The following ROS1 variants were observed in gnomAD, a reference collection of about 807,000 sequenced individuals.
ROS1 encodes ROS proto-oncogene 1, receptor tyrosine kinase.
In ROS1, 263 loss-of-function variants were observed where a neutral mutation model predicts 273.5. The ratio of observed to expected loss-of-function variants is 0.96; its 90% CI spans 0.87 to 1.06. The LOEUF (loss-of-function observed/expected upper bound fraction) is 1.06, where lower values mean the gene tolerates loss of function less well. Among genes scored for constraint, ROS1 ranks in the 50% least tolerant of loss-of-function variants. ROS1 has a pLI of 0.00. For missense variants in ROS1, 2,833 were observed against 2,751.1 expected (o/e 1.03, Z -0.67); for synonymous variants, 1,008 against 954.1 (o/e 1.06, Z -1.04).
chr6:117,315,467 C>CA (rs1439096696), intron 39 of ROS1, among the ~76,000 whole-genome samples: 1 of 151,720 alleles, frequency 6.6e-6, no homozygotes, highest in African/African-American at 2.4e-5. Flanking sequence ...GGGGAGGAGG[C>CA]AAAAAACAGA....
At chr6:117,420,447 G>A (rs935361548) in intron 1 of ROS1, among the ~76,000 whole-genome samples, 1 of 122,070 alleles carries the variant, frequency 8.2e-6, no homozygotes, top group African/African-American at 2.9e-5. Flanking sequence ...GGGGGAGGGG[G>A]GAGGGATAGC....
chr6:117,414,843 A>G (rs1009721494), intron 3 of ROS1, among the ~76,000 whole-genome samples: 1 of 152,242 alleles, frequency 6.6e-6, no homozygotes, highest in African/African-American at 2.4e-5. Flanking sequence ...AGAGTGAAGG[A>G]GTATTTGCAA....
In ROS1 at chr6:117,387,869, G is replaced by A. The variant is rs2128700609; in HGVS notation, c.1910C>T (p.Ala637Val). 6.2e-7 allele frequency: 1 copy of A among 1,614,166 alleles called. No individual in the cohort carries two copies. ...TCTCACAGAAACCTTGTATTTCATA[G>A]CACTCTGCAGCTCAGGTACATTCAG... ...TMLNVPELQSAMKYKVSVRAS... is the reference protein window; with the variant it reads ...TMLNVPELQSVMKYKVSVRAS... The change falls in exon 14 of 44, where the codon GCT becomes GTT. Residue 637 changes from alanine to valine, a missense_variant. Coordinates refer to ENST00000368507, the MANE Select transcript of ROS1 (RefSeq NM_001378902.1).
chr6:117,299,094 AG>A (rs1562247950), intron 43 of ROS1, among the ~76,000 whole-genome samples: 1 of 152,198 alleles, frequency 6.6e-6, no homozygotes, highest in Non-Finnish European at 1.5e-5. Flanking sequence ...AGCTCTGTCC[AG>A]GATGATAGTG....
chr6:117,299,066 A>G (rs939002817), intron 43 of ROS1, among the ~76,000 whole-genome samples: 3 of 152,178 alleles, frequency 2.0e-5, no homozygotes, highest in African/African-American at 7.2e-5. Context: ...GTGTTCTGCC[A>G]TTGGCATTCT....
At chr6:117,369,688 C>T (rs966276715) in intron 18 of ROS1, among the ~76,000 whole-genome samples, 3 of 152,094 alleles carry the variant, frequency 2.0e-5, no homozygotes, top group Non-Finnish European at 4.4e-5. Context: ...CTTTAGACAG[C>T]TTGTTTTGGC....
At chr6:117,365,023 C>T in intron 21 of ROS1, 37 bp downstream of exon 21, 1 of 1,596,208 alleles carries the variant, frequency 6.3e-7, no homozygotes, top group Non-Finnish European at 8.5e-7. Context: ...TGAGATTCTG[C>T]TTTTTTAAGA....
intron 32 of ROS1, among the ~76,000 whole-genome samples, chr6:117,334,347 G>C (rs111703707): frequency 0.043 from 6,603 of 152,096 alleles, 234 homozygotes; most frequent in African/African-American, 0.1. Flanking sequence ...AATAAGAAAG[G>C]ACACAAATAA....
chr6:117,326,163 T>C (rs1776631698), intron 34 of ROS1, 61 bp downstream of exon 34: 1 of 807,326 alleles, frequency 1.2e-6, no homozygotes, highest in Non-Finnish European at 1.9e-6. Flanking sequence ...AAGAATGTAC[T>C]GATATTTATT....
chr6:117,381,626 T>C (rs1262394352), intron 17 of ROS1, among the ~76,000 whole-genome samples: 1 of 152,140 alleles, frequency 6.6e-6, no homozygotes, highest in Non-Finnish European at 1.5e-5. Flanking sequence ...CCACATTTTC[T>C]TTATCCATCC....
intron 4 of ROS1, 123 bp downstream of exon 4, chr6:117,414,395 TG>T: frequency 1.5e-6 from 1 of 666,066 alleles, no homozygotes. Context: ...AATAACACTT[TG>T]AGGAAGAATG....
chr6:117,338,001 C>A (rs1052695502), intron 31 of ROS1, among the ~76,000 whole-genome samples: 11 of 152,002 alleles, frequency 7.2e-5, no homozygotes, highest in African/African-American at 2.4e-4. Context: ...GATATTGGGC[C>A]TCTAATTGCA....
chr6:117,408,406 T>A (rs77144362), intron 5 of ROS1, among the ~76,000 whole-genome samples: 9,017 of 152,198 alleles, frequency 0.059, 319 homozygotes, highest in Middle Eastern at 0.092. Context: ...GGGCGAAGGA[T>A]ACGAACAGGC....
chr6:117,399,218 G>T (rs1773753052), intron 7 of ROS1, among the ~76,000 whole-genome samples: 1 of 152,126 alleles, frequency 6.6e-6, no homozygotes. Flanking sequence ...AGCAAAATTT[G>T]TTTTCATTAT....
At chr6:117,420,595 AAAT>A (rs200795847) in intron 1 of ROS1, among the ~76,000 whole-genome samples, 10,789 of 148,804 alleles carry the variant, frequency 0.073, 394 homozygotes, top group Middle Eastern at 0.086. Flanking sequence ...ATAAAATTTT[AAAT>A]AATAATAATA....
In ROS1 at chr6:117,287,917, CAA is replaced by C. The variant is rs3086754; in HGVS notation, c.*573_*574del. ...TGGGCAACAGAGCAAGACTTCGTCTCAAAAAAAAAAAAAAAAAATTAAAAAAA... is the reference window on the plus strand; with the variant it reads ...TGGGCAACAGAGCAAGACTTCGTCTCAAAAAAAAAAAAAAAATTAAAAAAA... On this transcript the variant is annotated 3_prime_UTR_variant, in exon 44 of 44. Transcript: ENST00000368507. Among the ~76,000 whole-genome samples, 6,095 of 129,510 alleles carry C rather than the reference CAA, an allele frequency of 0.047. 143 individuals carry two copies. The highest frequency in any genetic ancestry group is 0.1 in the Middle Eastern group (27 of 258). 85.0% of individuals were successfully genotyped at this position (129,510 alleles called of 152,430 possible).
intron 32 of ROS1, 68 bp downstream of exon 32, chr6:117,337,104 G>C (rs2128616324): frequency 8.4e-7 from 1 of 1,190,794 alleles, no homozygotes; most frequent in Non-Finnish European, 1.2e-6. Context: ...TCTAGGATTA[G>C]TGAAATAAGT....
chr6:117,346,807 G>A (rs182128138), intron 27 of ROS1, among the ~76,000 whole-genome samples: 16 of 152,102 alleles, frequency 1.1e-4, no homozygotes, highest in African/African-American at 3.9e-4. Context: ...TACATTTTAC[G>A]GGTTTGGACA....
chr6:117,340,416 A>G (rs1266899571), intron 31 of ROS1, among the ~76,000 whole-genome samples: 1 of 152,194 alleles, frequency 6.6e-6, no homozygotes, highest in African/African-American at 2.4e-5. Context: ...AACATTTCTA[A>G]TTAATCTTTA....
Sources: allele counts gnomAD v4.1 joint callset (sites outside exome capture counted in the v4.1 genomes callset), GRCh38; gene constraint gnomAD v4.1.1; transcripts MANE v1.5; gene names NCBI Gene and HGNC (gene_info 2026-07-23, HGNC 2026-07-21).